CAP2: variants seen among roughly 807,000 people sequenced by gnomAD.
CAP2 encodes adenylyl cyclase-associated protein 2.
In CAP2, 24 loss-of-function variants were observed where a neutral mutation model predicts 57.7. That is an observed-to-expected ratio of 0.42 (90% CI 0.30 to 0.58). The LOEUF is 0.58. Ranked by LOEUF, CAP2 falls within the 20% of genes least tolerant of loss-of-function variation. CAP2 has a pLI of 0.22. For synonymous variants in CAP2, 194 were observed against 207.2 expected (o/e 0.94, Z 0.55); for missense variants, 501 against 590.3 (o/e 0.85, Z 1.57).
chr6:17,518,661 A>G (rs1762323727), intron 7 of CAP2, among the ~76,000 whole-genome samples: 1 of 152,006 alleles, frequency 6.6e-6, no homozygotes, highest in Non-Finnish European at 1.5e-5. Flanking sequence ...TTTTTGAGAC[A>G]GGGTCTCACT....
intron 12 of CAP2, among the ~76,000 whole-genome samples, 156 bp downstream of exon 12, chr6:17,551,760 C>T (rs576735298): frequency 3.9e-5 from 6 of 152,320 alleles, no homozygotes; most frequent in South Asian, 2.1e-4. Context: ...CACATCTCTT[C>T]CCGCCTATTA....
chr6:17,479,334 T>C (rs1287468171), intron 4 of CAP2, among the ~76,000 whole-genome samples: 1 of 152,170 alleles, frequency 6.6e-6, no homozygotes, highest in South Asian at 2.1e-4. Context: ...TCCTAAGTCC[T>C]TGTGACCCCT....
chr6:17,435,935 A>T (rs1581516283), intron 3 of CAP2, among the ~76,000 whole-genome samples: 1 of 152,270 alleles, frequency 6.6e-6, no homozygotes, highest in East Asian at 1.9e-4. Flanking sequence ...AGTATATCTG[A>T]GGATAAATTC....
intron 3 of CAP2, among the ~76,000 whole-genome samples, chr6:17,433,393 C>T: frequency 6.6e-6 from 1 of 152,228 alleles, no homozygotes; most frequent in Non-Finnish European, 1.5e-5. Context: ...GTTGTCATGG[C>T]AGCTGTGTCT....
chr6:17,504,509 G>C (rs1165723169), intron 4 of CAP2, among the ~76,000 whole-genome samples: 1 of 152,196 alleles, frequency 6.6e-6, no homozygotes, highest in East Asian at 1.9e-4. Flanking sequence ...TCAGCACCCA[G>C]TATCGAGAAT....
intron 12 of CAP2, among the ~76,000 whole-genome samples, chr6:17,555,022 A>G (rs774703344): frequency 6.6e-6 from 1 of 152,146 alleles, no homozygotes; most frequent in Non-Finnish European, 1.5e-5. Flanking sequence ...GCTCATTTTT[A>G]CAATTTATCA....
At chr6:17,454,222 A>G (rs1477696167) in intron 3 of CAP2, among the ~76,000 whole-genome samples, 3 of 151,948 alleles carry the variant, frequency 2.0e-5, no homozygotes, top group African/African-American at 7.2e-5. Flanking sequence ...GGGCTCCTTC[A>G]AGCAGATCCC....
chr6:17,507,125 T>G (rs1477395986), intron 4 of CAP2, 44 bp from the exon 5 acceptor site: 1 of 1,611,770 alleles, frequency 6.2e-7, no homozygotes, highest in Non-Finnish European at 8.5e-7. Context: ...GCTATGCGTC[T>G]GCTCTGTCTG....
chr6:17,416,261 T>C (rs957265514), intron 1 of CAP2, among the ~76,000 whole-genome samples: 1 of 152,044 alleles, frequency 6.6e-6, no homozygotes, highest in Non-Finnish European at 1.5e-5. Flanking sequence ...CTGTTAGTCA[T>C]TTCCATTGAC....
chr6:17,499,398 C>CAAAAAAAAAAAAAA, intron 4 of CAP2, among the ~76,000 whole-genome samples: 1 of 69,566 alleles, frequency 1.4e-5, no homozygotes, highest in East Asian at 4.6e-4. Context: ...GACTCCATCT[C>CAAAAAAAAAAAAAA]AAAAAAAAAA....
chr6:17,543,526 C>G (rs190619860), intron 11 of CAP2, among the ~76,000 whole-genome samples: 1 of 148,062 alleles, frequency 6.8e-6, no homozygotes, highest in Non-Finnish European at 1.5e-5. Context: ...GAGGCTGAGG[C>G]GGGAGAATGG....
chr6:17,525,915 T>C lies in CAP2; in HGVS notation c.636+11961T>C, dbSNP rs146828357. ...CTTCCTAAACTATGAGCTCATTGAA[T>C]GCAGGCTCCATTTCCAGTTCAGCCT... On this transcript the variant is annotated intron_variant, in intron 7 of 12. Coordinates refer to ENST00000229922, the MANE Select transcript of CAP2 (RefSeq NM_006366.3). Among the ~76,000 whole-genome samples, 1,165 of 152,280 alleles carry C rather than the reference T, an allele frequency of 7.7e-3. 7 individuals are homozygous for C. The highest frequency in any genetic ancestry group is 0.012 in the Non-Finnish European group (839 of 68,014).
intron 1 of CAP2, among the ~76,000 whole-genome samples, chr6:17,410,751 G>T (rs922985292): frequency 6.6e-6 from 1 of 151,926 alleles, no homozygotes; most frequent in Non-Finnish European, 1.5e-5. Context: ...TGTAGAGATG[G>T]GGTTTCACTG....
chr6:17,437,737 C>T lies in CAP2; in HGVS notation c.222+11047C>T, dbSNP rs150099744. ...ACTAAAAATACAAAAATTAGCTGGGCATGGTGGCACATGCCTGTAATCCCA... is the reference window on the plus strand; with the variant it reads ...ACTAAAAATACAAAAATTAGCTGGGTATGGTGGCACATGCCTGTAATCCCA... On this transcript the variant is annotated intron_variant, in intron 3 of 12. Transcript: ENST00000229922. Among the ~76,000 whole-genome samples the T allele has an allele frequency of 3.0e-3, 456 of 152,074 alleles. 1 individual carries two copies. Among genetic ancestry groups the T allele is most frequent in the African/African-American group, 0.01 (429 of 41,472 alleles).
chr6:17,403,679 G>A (rs1758873567), intron 1 of CAP2, among the ~76,000 whole-genome samples: 1 of 152,130 alleles, frequency 6.6e-6, no homozygotes, highest in African/African-American at 2.4e-5. Context: ...GTAGGCTAAT[G>A]AGTAAAATAG....
chr6:17,512,730 T>C (rs1481767573), intron 6 of CAP2, among the ~76,000 whole-genome samples: 1 of 152,234 alleles, frequency 6.6e-6, no homozygotes, highest in Non-Finnish European at 1.5e-5. Context: ...TATCAGTACA[T>C]CTAAAAATGT....
intron 1 of CAP2, among the ~76,000 whole-genome samples, chr6:17,411,568 T>C (rs1395347711): frequency 6.6e-6 from 1 of 152,266 alleles, no homozygotes; most frequent in Non-Finnish European, 1.5e-5. Context: ...TCACATGTGC[T>C]CTTGGCCATT....
intron 7 of CAP2, among the ~76,000 whole-genome samples, chr6:17,520,904 T>C (rs747529079): frequency 6.6e-6 from 1 of 152,258 alleles, no homozygotes; most frequent in Non-Finnish European, 1.5e-5. Flanking sequence ...TCAAAGTGAA[T>C]GGGCAGCGCC....
At chr6:17,540,055 C>G (rs1308788259) in intron 8 of CAP2, among the ~76,000 whole-genome samples, 1 of 152,172 alleles carries the variant, frequency 6.6e-6, no homozygotes, top group Admixed American at 6.5e-5. Flanking sequence ...GCACTCCAGC[C>G]TGGGTGACAG....
Sources: gnomAD v4.1 joint callset for allele counts (sites outside exome capture counted in the v4.1 genomes callset) on GRCh38, gnomAD v4.1.1 for gene constraint, MANE v1.5 for transcripts, NCBI Gene and HGNC (gene_info 2026-07-23, HGNC 2026-07-21) for gene names.